The following RAB2A variants were observed in gnomAD, a reference collection of about 807,000 sequenced individuals.
The protein encoded by RAB2A is RAB2A, member RAS oncogene family, also known as ras-related protein Rab-2A.
In RAB2A, 7 loss-of-function variants were observed where a neutral mutation model predicts 32.5. The ratio of observed to expected loss-of-function variants is 0.22; its 90% confidence interval spans 0.12 to 0.40. RAB2A has a LOEUF of 0.40. Ranked by LOEUF, RAB2A falls within the 10% of genes least tolerant of loss-of-function variation. The pLI, the probability that RAB2A is intolerant of heterozygous loss-of-function variation, is 1.00. For missense variants in RAB2A, 108 were observed against 260.7 expected (o/e 0.41, Z 4.03); for synonymous variants, 79 against 85.2 (o/e 0.93, Z 0.40).
At chr8:60,522,160 C>T (rs2130804291) in intron 1 of RAB2A, among the ~76,000 whole-genome samples, 1 of 152,254 alleles carries the variant, frequency 6.6e-6, no homozygotes, top group Admixed American at 6.5e-5. Flanking sequence ...CAAGAGAGAC[C>T]TGGGCAGTAC....
At chr8:60,597,523 C>T (rs997813303) in intron 6 of RAB2A, among the ~76,000 whole-genome samples, 1 of 151,910 alleles carries the variant, frequency 6.6e-6, no homozygotes, top group African/African-American at 2.4e-5. Context: ...AGCAAACCAC[C>T]ATGGCACGTA....
In RAB2A at chr8:60,518,517, G is replaced by A. The variant is rs766071563; in HGVS notation, c.46+1264G>A. 4.7e-4 allele frequency among the ~76,000 whole-genome samples: 70 copies of A among 147,536 alleles called. 1 individual carries two copies. The highest frequency in any genetic ancestry group is 1.5e-3 in the Admixed American group (22 of 14,478). ...CTAAAAGTACAAAAGTTAGCCGGGC[G>A]TCGTGGCAGGCGCCTGTAATCCCAG... On this transcript the variant is annotated intron_variant, in intron 1 of 7. Coordinates refer to ENST00000262646, the MANE Select transcript of RAB2A (RefSeq NM_002865.3).
chr8:60,577,453 A>G (rs1463579447), intron 3 of RAB2A, among the ~76,000 whole-genome samples: 1 of 152,158 alleles, frequency 6.6e-6, no homozygotes, highest in African/African-American at 2.4e-5. Context: ...GGATCCCACA[A>G]CTAACTAGTG....
At chr8:60,615,138 AG>A (rs1804427169) in intron 6 of RAB2A, among the ~76,000 whole-genome samples, 1 of 152,220 alleles carries the variant, frequency 6.6e-6, no homozygotes, top group Non-Finnish European at 1.5e-5. Flanking sequence ...AAGTCTTAAA[AG>A]AGCTTGCCCC....
At chr8:60,534,664 C>T (rs1807530196) in intron 1 of RAB2A, among the ~76,000 whole-genome samples, 1 of 152,008 alleles carries the variant, frequency 6.6e-6, no homozygotes, top group Non-Finnish European at 1.5e-5. Flanking sequence ...GACTTTATAC[C>T]AGGAGTGATG....
chr8:60,534,608 A>G (rs1807529141), intron 1 of RAB2A, among the ~76,000 whole-genome samples: 1 of 152,232 alleles, frequency 6.6e-6, no homozygotes, highest in South Asian at 2.1e-4. Context: ...TATGTGAGAA[A>G]TACTGAGTTG....
intron 6 of RAB2A, among the ~76,000 whole-genome samples, chr8:60,608,232 A>T (rs1804269223): frequency 6.6e-6 from 1 of 152,236 alleles, no homozygotes; most frequent in African/African-American, 2.4e-5. Context: ...CATGCATAAT[A>T]TGTAAAGGCT....
intron 1 of RAB2A, among the ~76,000 whole-genome samples, chr8:60,525,160 A>G (rs1445516328): frequency 3.3e-5 from 5 of 152,076 alleles, no homozygotes; most frequent in African/African-American, 1.2e-4. Flanking sequence ...TCAAATTTTA[A>G]TTTCTGTAGT....
chr8:60,611,376 C>G (rs1420537038), intron 6 of RAB2A, among the ~76,000 whole-genome samples: 1 of 152,214 alleles, frequency 6.6e-6, no homozygotes, highest in Non-Finnish European at 1.5e-5. Context: ...TGCCCTTCTT[C>G]CCCTCAGTTT....
At chr8:60,586,233 G>T (rs527984970) in intron 5 of RAB2A, among the ~76,000 whole-genome samples, 1 of 152,120 alleles carries the variant, frequency 6.6e-6, no homozygotes, top group African/African-American at 2.4e-5. Flanking sequence ...CCCAGTTGAG[G>T]CTGCAGTGAA....
chr8:60,595,046 C>T (rs1804001198), intron 6 of RAB2A, among the ~76,000 whole-genome samples: 1 of 152,100 alleles, frequency 6.6e-6, no homozygotes, highest in South Asian at 2.1e-4. Context: ...GCAATCAAGA[C>T]ATTCTTAGAG....
Position 60,558,914 on chromosome 8 carries a change from C to A in RAB2A, c.109C>A (p.Leu37Ile). ...CAAGAGGTTTCAGCCAGTGCATGAC[C>A]TTACTATTGGTAAGTTTTATAAAAG... ...TDKRFQPVHD[L>I]TIGVEFGARM... Residue 37 changes from leucine (L) to isoleucine (I), a missense_variant, in exon 2 of 8, where the codon CTT becomes ATT. Transcript: ENST00000262646. The A allele has an allele frequency of 6.2e-7, 1 of 1,610,980 alleles. No homozygotes were observed. The highest frequency in any genetic ancestry group is 1.1e-5 in the South Asian group (1 of 90,732).
chr8:60,526,834 C>G (rs1480314350), intron 1 of RAB2A, among the ~76,000 whole-genome samples: 1 of 151,724 alleles, frequency 6.6e-6, no homozygotes, highest in East Asian at 1.9e-4. Context: ...CCAGGCGTGG[C>G]GGCATGCGCC....
chr8:60,600,446 T>TA (rs1804113548), intron 6 of RAB2A, among the ~76,000 whole-genome samples: 2 of 152,230 alleles, frequency 1.3e-5, no homozygotes, highest in African/African-American at 2.4e-5. Flanking sequence ...AGATCACTCT[T>TA]ACGTTGCATG....
chr8:60,559,734 G>A (rs895210157), intron 2 of RAB2A, among the ~76,000 whole-genome samples: 5 of 152,170 alleles, frequency 3.3e-5, no homozygotes, highest in Non-Finnish European at 7.3e-5. Flanking sequence ...ATATGAAGAC[G>A]AGATAATTGG....
chr8:60,608,857 C>T (rs1469747100), intron 6 of RAB2A, among the ~76,000 whole-genome samples: 1 of 152,136 alleles, frequency 6.6e-6, no homozygotes, highest in African/African-American at 2.4e-5. Context: ...TGTTCTTTCT[C>T]TTACCCCTTG....
chr8:60,576,432 C>A, intron 3 of RAB2A: 1 of 338,536 alleles, frequency 3.0e-6, no homozygotes, highest in Non-Finnish European at 5.9e-6. Context: ...TTTGATTTCC[C>A]AGCCCCTCCA....
chr8:60,613,352 C>T (rs1804393982), intron 6 of RAB2A, among the ~76,000 whole-genome samples: 1 of 152,204 alleles, frequency 6.6e-6, no homozygotes, highest in Admixed American at 6.5e-5. Context: ...TACTACATGT[C>T]AAGCACGGTT....
intron 1 of RAB2A, among the ~76,000 whole-genome samples, chr8:60,526,017 G>GCGCA (rs879271913): frequency 2.7e-5 from 2 of 74,252 alleles, no homozygotes; most frequent in African/African-American, 6.0e-5. Context: ...ATGTGTGTGT[G>GCGCA]TACATATATA....
Sources: gnomAD v4.1 joint callset for allele counts (sites outside exome capture counted in the v4.1 genomes callset) on GRCh38, gnomAD v4.1.1 for gene constraint, MANE v1.5 for transcripts, NCBI Gene and HGNC (gene_info 2026-07-23, HGNC 2026-07-21) for gene names.